Variants in PPP1R21 observed in about 807,000 individuals in gnomAD.
The protein encoded by PPP1R21 is protein phosphatase 1 regulatory subunit 21, also known as KLRAQ motif containing 1.
Under a neutral mutation model 112.8 loss-of-function variants are expected in PPP1R21, and 85 were observed. That is an observed-to-expected ratio of 0.75 (90% CI 0.63 to 0.90). The LOEUF is 0.90. Among genes scored for constraint, PPP1R21 ranks in the 40% least tolerant of loss-of-function variants. PPP1R21 has a pLI of 0.00. For synonymous variants in PPP1R21, 381 were observed against 322.3 expected (o/e 1.18, Z -1.95); for missense variants, 1,199 against 901.5 (o/e 1.33, Z -4.23).
At chr2:48,480,873 G>A (rs1009575249) in intron 13 of PPP1R21, among the ~76,000 whole-genome samples, 1 of 152,128 alleles carries the variant, frequency 6.6e-6, no homozygotes, top group Non-Finnish European at 1.5e-5. Context: ...GCATATATTG[G>A]GGGACCTAAT....
At chr2:48,459,014 C>G (rs112141284) in intron 4 of PPP1R21, among the ~76,000 whole-genome samples, 1 of 150,874 alleles carries the variant, frequency 6.6e-6, no homozygotes, top group African/African-American at 2.4e-5. Flanking sequence ...ATGGCGTGAA[C>G]CCGGGAGGCG....
chr2:48,441,116 C>G (rs1667007667), intron 1 of PPP1R21, 106 bp downstream of exon 1: 9 of 768,042 alleles, frequency 1.2e-5, no homozygotes, highest in Admixed American at 2.2e-5. Flanking sequence ...GGCACGCGAG[C>G]GCGCCCCACC....
At chr2:48,493,011 C>CTTTTTTTT (rs746795481) in intron 15 of PPP1R21, among the ~76,000 whole-genome samples, 13 of 96,674 alleles carry the variant, frequency 1.3e-4, no homozygotes, top group South Asian at 3.6e-4. Context: ...GGTCATTTAC[C>CTTTTTTTT]TTTTTTTTTT....
At chr2:48,473,086 A>T (rs544407391) in intron 11 of PPP1R21, among the ~76,000 whole-genome samples, 31 of 150,942 alleles carry the variant, frequency 2.1e-4, no homozygotes, top group African/African-American at 6.3e-4. Flanking sequence ...TTTAAGAAAT[A>T]TACAATTTTA....
At chr2:48,469,261 TTGTGTGTGTGTGTGTGTG>T (rs745866100) in intron 9 of PPP1R21, among the ~76,000 whole-genome samples, 545 of 46,232 alleles carry the variant, frequency 0.012, 15 homozygotes, top group African/African-American at 0.037. Context: ...TATATTTGAA[TTGTGTGTGTGTGTGTGTG>T]TGTGTGTGTG....
chr2:48,479,584 A>G (rs1668912532), intron 12 of PPP1R21: 1 of 509,856 alleles, frequency 2.0e-6, no homozygotes, highest in Middle Eastern at 3.0e-4. Context: ...ATGTTCAGCA[A>G]ATAATGTGTA....
intron 11 of PPP1R21, 150 bp downstream of exon 11, chr2:48,471,517 A>G (rs2103851385): frequency 1.4e-6 from 1 of 721,800 alleles, no homozygotes; most frequent in Non-Finnish European, 2.2e-6. Context: ...AAGGAAAAGC[A>G]TGGTTGAGCA....
chr2:48,449,746 T>C (rs1311249393), intron 1 of PPP1R21, among the ~76,000 whole-genome samples: 1 of 152,018 alleles, frequency 6.6e-6, no homozygotes, highest in Non-Finnish European at 1.5e-5. Context: ...TTTTTTATTT[T>C]TAATTTTAGA....
chr2:48,456,646 A>C (rs899664624), intron 3 of PPP1R21, among the ~76,000 whole-genome samples: 2 of 152,212 alleles, frequency 1.3e-5, no homozygotes, highest in African/African-American at 4.8e-5. Context: ...TAGTTTTCCC[A>C]TATGCATTTC....
chr2:48,460,381 G>A (rs76901133), intron 6 of PPP1R21, among the ~76,000 whole-genome samples: 2,923 of 152,270 alleles, frequency 0.019, 82 homozygotes, highest in African/African-American at 0.064. Context: ...GTGGCAGATC[G>A]TGTTCTGGAG....
intron 17 of PPP1R21, among the ~76,000 whole-genome samples, chr2:48,502,676 C>CTTTTTTTTTTTTTT (rs762811938): frequency 1.1e-5 from 1 of 94,042 alleles, no homozygotes; most frequent in Non-Finnish European, 2.1e-5. Context: ...AGAAACTTTT[C>CTTTTTTTTTTTTTT]TTTTTTTTTT....
At chr2:48,502,866 GA>G (rs962750284) in intron 17 of PPP1R21, among the ~76,000 whole-genome samples, 7 of 151,884 alleles carry the variant, frequency 4.6e-5, no homozygotes, top group Non-Finnish European at 1.0e-4. Flanking sequence ...ATTTTTAGTA[GA>G]GACGGGGTTT....
intron 15 of PPP1R21, among the ~76,000 whole-genome samples, chr2:48,494,469 C>G (rs1015025984): frequency 6.6e-6 from 1 of 151,852 alleles, no homozygotes; most frequent in African/African-American, 2.4e-5. Flanking sequence ...CTCTGTCGCC[C>G]AGGCTGGAGT....
intron 12 of PPP1R21, among the ~76,000 whole-genome samples, chr2:48,478,331 AG>A (rs1668849082): frequency 6.6e-6 from 1 of 152,232 alleles, no homozygotes; most frequent in Non-Finnish European, 1.5e-5. Flanking sequence ...TCATGAACAT[AG>A]TATGTTTTTC....
At chr2:48,468,025 G>A (rs373740614) in intron 9 of PPP1R21, among the ~76,000 whole-genome samples, 1 of 152,134 alleles carries the variant, frequency 6.6e-6, no homozygotes, top group African/African-American at 2.4e-5. Flanking sequence ...GGTCCCCTAC[G>A]TGCCTATTAG....
intron 21 of PPP1R21, among the ~76,000 whole-genome samples, chr2:48,513,810 C>A (rs1435858769): frequency 6.6e-6 from 1 of 152,046 alleles, no homozygotes; most frequent in Non-Finnish European, 1.5e-5. Context: ...GAGTTAAATA[C>A]AGGAATTTAA....
At chr2:48,487,680 G>C (rs964455868) in intron 14 of PPP1R21, among the ~76,000 whole-genome samples, 3 of 151,098 alleles carry the variant, frequency 2.0e-5, no homozygotes, top group African/African-American at 7.3e-5. Flanking sequence ...AGGATTGCTT[G>C]AGCCCAGGAG....
rs537132354 is a variant in PPP1R21, at chr2:48,445,526, G to T, written c.57+4516G>T. ...TCTGGTTTAGTAGGTCTGGGGTGGG[G>T]CCTGAGATTCTGCCTCCAGGTAAAA... On this transcript the variant is annotated intron_variant, in intron 1 of 21. Coordinates refer to ENST00000294952, the MANE Select transcript of PPP1R21 (RefSeq NM_001135629.3). Among the ~76,000 whole-genome samples the T allele has an allele frequency of 4.6e-5, 7 of 152,256 alleles. No homozygotes were observed. The East Asian group carries it at 1.2e-3, about 25-fold the overall frequency.
chr2:48,445,622 G>A (rs530953448), intron 1 of PPP1R21, among the ~76,000 whole-genome samples: 1 of 152,282 alleles, frequency 6.6e-6, no homozygotes, highest in Non-Finnish European at 1.5e-5. Flanking sequence ...TCCTCTTCCT[G>A]TTTAGTTTAA....
Sources: allele counts gnomAD v4.1 joint callset (sites outside exome capture counted in the v4.1 genomes callset), GRCh38; gene constraint gnomAD v4.1.1; transcripts MANE v1.5; gene names NCBI Gene and HGNC (gene_info 2026-07-23, HGNC 2026-07-21).